Variants in PCSK5 observed in about 807,000 individuals in gnomAD.
The protein encoded by PCSK5 is prohormone convertase 5.
A neutral mutation model predicts 233.2 loss-of-function variants in PCSK5; 129 were observed. That is an observed-to-expected ratio of 0.55 (90% confidence interval 0.48 to 0.64). The LOEUF (loss-of-function observed/expected upper bound fraction) is 0.64. Among genes scored for constraint, PCSK5 ranks in the 30% least tolerant of loss-of-function variants. PCSK5 has a pLI of 0.00. For synonymous variants in PCSK5, 825 were observed against 879.2 expected (o/e 0.94, Z 1.09); for missense variants, 2,076 against 2,430.1 (o/e 0.85, Z 3.06).
At chr9:76,310,898 C>G (rs2257775) in intron 30 of PCSK5, 47 bp downstream of exon 30, 2 of 1,245,390 alleles carry the variant, frequency 1.6e-6, no homozygotes, top group East Asian at 5.0e-5. Flanking sequence ...TCACTCTCCT[C>G]TGGTACTTTG....
chr9:76,351,449 A>AAAG (rs1330895866), intron 36 of PCSK5, among the ~76,000 whole-genome samples: 1,986 of 13,816 alleles, frequency 0.14, 437 homozygotes, highest in Admixed American at 0.16. Context: ...GAAAGAAAGG[A>AAAG]AAGAAAGAAA....
chr9:76,354,853 G>A (rs1423413603), intron 37 of PCSK5, among the ~76,000 whole-genome samples: 3 of 152,092 alleles, frequency 2.0e-5, no homozygotes, highest in African/African-American at 7.2e-5. Flanking sequence ...AGTAGAGCTA[G>A]CATTTTATCT....
intron 17 of PCSK5, among the ~76,000 whole-genome samples, chr9:76,185,800 A>G (rs1824076179): frequency 6.6e-6 from 1 of 152,168 alleles, no homozygotes; most frequent in African/African-American, 2.4e-5. Context: ...AACTACTCCG[A>G]GCCTTCATTT....
At chr9:76,023,326 C>T (rs1246620049) in intron 3 of PCSK5, among the ~76,000 whole-genome samples, 1 of 152,054 alleles carries the variant, frequency 6.6e-6, no homozygotes, top group Non-Finnish European at 1.5e-5. Flanking sequence ...TATGTTTTTA[C>T]ACTAGTAGAC....
rs58073793 is a variant in PCSK5 at position 76,279,739 on chromosome 9, C to T, written c.3143-12494C>T. Among the ~76,000 whole-genome samples, 884 of 150,322 alleles carry T rather than the reference C, an allele frequency of 5.9e-3. 8 individuals are homozygous for T. Among genetic ancestry groups the T allele is most frequent in the African/African-American group, 0.018 (742 of 40,764 alleles). ...TTGAGAAGTGTCTGTTCATGTCCTT[C>T]GCCCACTTTTTGATGGGGTTGTTTG... On this transcript the variant is annotated intron_variant, in intron 24 of 37. Transcript: ENST00000674117.
In PCSK5 at chr9:76,094,719, C is replaced by T. The variant is rs192184674; in HGVS notation, c.895-1171C>T. On this transcript the variant is annotated intron_variant, in intron 7 of 37. Coordinates refer to ENST00000674117, the MANE Select transcript of PCSK5 (RefSeq NM_001372043.1). Reference sequence around the variant, plus strand: ...CCACCTCTCAGGTTCAAGCGATTCTCGTGCCTCAGCCTCCCGAGTAGCTGG... The same window carrying T: ...CCACCTCTCAGGTTCAAGCGATTCTTGTGCCTCAGCCTCCCGAGTAGCTGG... Among the ~76,000 whole-genome samples the T allele has an allele frequency of 3.5e-4, 54 of 152,220 alleles. 1 individual carries two copies. In the East Asian group the frequency reaches 8.9e-3, roughly 25 times the overall value.
chr9:76,145,743 TAAAC>T (rs1399366891), intron 10 of PCSK5, among the ~76,000 whole-genome samples: 2 of 152,116 alleles, frequency 1.3e-5, no homozygotes, highest in South Asian at 2.1e-4. Context: ...AGGGCCCAAA[TAAAC>T]AAGATGAAAG....
In PCSK5 at chr9:76,026,979, G is replaced by C. The variant is rs1167616566; in HGVS notation, c.574G>C (p.Asp192His). Residue 192 changes from aspartate to histidine, a missense_variant, in exon 5 of 38, where the codon GAC becomes CAC. Physicochemically the swap from Asp to His is moderately conservative, Grantham distance 81. Around this residue, in one of 6 missense-constraint regions of PCSK5, gnomAD observed 178 missense variants for 393.6 expected, o/e 0.45. Transcript: ENST00000674117. Reference sequence around the variant, plus strand: ...GCCATAGGATGCTCTGGCAAGTTGCGACGTGAATGGGAATGACTTGGACCC... The same window carrying C: ...GCCATAGGATGCTCTGGCAAGTTGCCACGTGAATGGGAATGACTTGGACCC... Reference protein sequence around the residue: ...MQNYDALASCDVNGNDLDPMP... With the variant: ...MQNYDALASCHVNGNDLDPMP... 2 of 1,607,376 alleles carry C rather than the reference G, an allele frequency of 1.2e-6. No homozygotes were observed. The highest frequency in any genetic ancestry group is 1.3e-5 in the African/African-American group (1 of 74,586).
intron 24 of PCSK5, among the ~76,000 whole-genome samples, chr9:76,275,921 T>G (rs1827675642): frequency 6.6e-6 from 1 of 152,254 alleles, no homozygotes; most frequent in Non-Finnish European, 1.5e-5. Flanking sequence ...AGGTAGGGAC[T>G]GCCTTTCTCA....
At chr9:76,215,800 T>A (rs1825505093) in intron 20 of PCSK5, among the ~76,000 whole-genome samples, 1 of 151,990 alleles carries the variant, frequency 6.6e-6, no homozygotes, top group East Asian at 1.9e-4. Flanking sequence ...ATTAGCTGAG[T>A]GTGGTAGCAC....
At chr9:76,270,128 T>C in intron 24 of PCSK5, among the ~76,000 whole-genome samples, 1 of 152,228 alleles carries the variant, frequency 6.6e-6, no homozygotes, top group East Asian at 1.9e-4. Context: ...CAAGCCCTAG[T>C]TTGTTTACAT....
Position 76,081,657 on chromosome 9 carries a change from T to A in PCSK5, c.894+9759T>A, listed in dbSNP as rs142402220. The stretch of plus-strand genomic sequence containing the variant: ...TTCATTTTAAAATTTGCGGAATTAG[T>A]TTGTGTAATTCACCTAAAGTCATTA... On this transcript the variant is annotated intron_variant, in intron 7 of 37. Transcript: ENST00000674117. Among the ~76,000 whole-genome samples the A allele has an allele frequency of 4.0e-3, 605 of 152,278 alleles. 4 individuals are homozygous for A. The highest frequency in any genetic ancestry group is 0.014 in the African/African-American group (564 of 41,560).
intron 33 of PCSK5, among the ~76,000 whole-genome samples, chr9:76,329,711 T>C (rs139019863): frequency 0.019 from 2,921 of 151,968 alleles, 102 homozygotes; most frequent in African/African-American, 0.065. Context: ...TGGGCACCTG[T>C]AGTCCCAGCT....
At chr9:76,141,289 C>T (rs927296607) in intron 10 of PCSK5, among the ~76,000 whole-genome samples, 1 of 152,012 alleles carries the variant, frequency 6.6e-6, no homozygotes, top group Non-Finnish European at 1.5e-5. Context: ...ATTCTTTTTA[C>T]AGCCTATTTT....
At chr9:76,259,048 T>C (rs1827074965) in intron 24 of PCSK5, among the ~76,000 whole-genome samples, 1 of 152,192 alleles carries the variant, frequency 6.6e-6, no homozygotes, top group South Asian at 2.1e-4. Context: ...CCTCATATGA[T>C]GGCGCATGAT....
chr9:76,061,516 C>G (rs1014945019), intron 5 of PCSK5, among the ~76,000 whole-genome samples: 2 of 152,056 alleles, frequency 1.3e-5, no homozygotes, highest in Non-Finnish European at 2.9e-5. Context: ...ACTATAAGAA[C>G]AGTCTCATTA....
chr9:76,325,846 AG>A (rs1829345259), intron 32 of PCSK5, among the ~76,000 whole-genome samples: 1 of 152,170 alleles, frequency 6.6e-6, no homozygotes, highest in South Asian at 2.1e-4. Flanking sequence ...CATATTGGTC[AG>A]GGTGGTCTCG....
In PCSK5 at chr9:76,158,966, A is replaced by G; in HGVS notation, c.1431-17A>G. The G allele has an allele frequency of 1.2e-6, 2 of 1,606,514 alleles. No individual in the cohort carries two copies. Among genetic ancestry groups the G allele is most frequent in the Non-Finnish European group, 1.7e-6 (2 of 1,173,994 alleles). ...GTGATGTCATTTGCTCAAACTCTCC[A>G]TCTCTCTCTGTTACAGGACAATCCG... On this transcript the variant is annotated splice_polypyrimidine_tract_variant and intron_variant, in intron 11 of 37. Coordinates refer to ENST00000674117, the MANE Select transcript of PCSK5 (RefSeq NM_001372043.1).
At chr9:76,341,203 T>A (rs1829826583) in intron 35 of PCSK5, among the ~76,000 whole-genome samples, 1 of 151,560 alleles carries the variant, frequency 6.6e-6, no homozygotes, top group Non-Finnish European at 1.5e-5. Context: ...CCAGCCTGGG[T>A]GACAGAGTGA....
Sources: allele counts gnomAD v4.1 joint callset (sites outside exome capture counted in the v4.1 genomes callset), GRCh38; gene constraint gnomAD v4.1.1; regional missense constraint gnomAD v4.1.1; transcripts MANE v1.5; gene names NCBI Gene and HGNC (gene_info 2026-07-23, HGNC 2026-07-21).